The following PIK3R3 variants were observed in gnomAD, a reference collection of about 807,000 sequenced individuals.
PIK3R3 encodes the protein phosphoinositide-3-kinase regulatory subunit 3, also known as phosphatidylinositol 3-kinase regulatory subunit gamma.
PIK3R3 carries 64 observed loss-of-function variants against 62.9 expected under a neutral mutation model. The observed-to-expected ratio is 1.02, with a 90% confidence interval of 0.83 to 1.25. PIK3R3 has a LOEUF of 1.25. Ranked by LOEUF, PIK3R3 falls within the 50% of genes most tolerant of loss-of-function variation. The pLI, the probability that PIK3R3 is intolerant of heterozygous loss-of-function variation, is 0.00. For synonymous variants in PIK3R3, 165 were observed against 189.0 expected, an observed-to-expected ratio of 0.87 and a Z score of 1.04; for missense variants, 614 against 561.6, an observed-to-expected ratio of 1.09 and a Z score of -0.94.
chr1:46,167,314 T>C, the PIK3R3 span, among the ~76,000 whole-genome samples: 11 of 152,230 alleles, frequency 7.2e-5, no homozygotes, highest in Admixed American at 2.0e-4. Context: ...CATCCCTTCC[T>C]GGTCCAGAGA....
chr1:46,068,016 T>C (rs554617027), intron 3 of PIK3R3, among the ~76,000 whole-genome samples: 1 of 152,354 alleles, frequency 6.6e-6, no homozygotes, highest in Admixed American at 6.5e-5. Flanking sequence ...CTTATGCCCC[T>C]AACTCTCTTT....
the PIK3R3 span, among the ~76,000 whole-genome samples, chr1:46,155,448 T>C: frequency 6.6e-6 from 1 of 151,670 alleles, no homozygotes; most frequent in Non-Finnish European, 1.5e-5. Context: ...CTTTTTCTTT[T>C]TTTCCTTTTT....
the PIK3R3 span, among the ~76,000 whole-genome samples, chr1:46,145,698 G>A: frequency 6.6e-6 from 1 of 152,120 alleles, no homozygotes; most frequent in Non-Finnish European, 1.5e-5. Context: ...GCCACGTTGG[G>A]GATCAATTTT....
chr1:46,167,445 T>C, the PIK3R3 span, among the ~76,000 whole-genome samples: 2 of 152,038 alleles, frequency 1.3e-5, no homozygotes. Context: ...AGCAGCCTCC[T>C]CCTCTAGGCC....
At chr1:46,144,696 A>C in the PIK3R3 span, among the ~76,000 whole-genome samples, 10 of 145,334 alleles carry the variant, frequency 6.9e-5, no homozygotes, top group Non-Finnish European at 1.2e-4. Flanking sequence ...TGAACCCGGG[A>C]GGTAGAGGTT....
Position 46,043,874 on chromosome 1 carries a change from G to A in PIK3R3, c.1188-3C>T. The A allele has an allele frequency of 1.2e-6, 2 of 1,610,852 alleles. No homozygotes were observed. The highest frequency in any genetic ancestry group is 1.7e-6 in the Non-Finnish European group (2 of 1,177,984). ...AGTGCTTCACTTCCCCATCGGCCCT[G>A]CAATGACAAACCACAGAAGAAATGT... On this transcript the variant is annotated splice_region_variant and splice_polypyrimidine_tract_variant and intron_variant, in intron 9 of 9. Coordinates refer to ENST00000262741, the MANE Select transcript of PIK3R3 (RefSeq NM_003629.4).
chr1:46,127,356 A>AATAT (rs1553157057), intron 1 of PIK3R3, among the ~76,000 whole-genome samples: 136 of 133,958 alleles, frequency 1.0e-3, no homozygotes, highest in African/African-American at 3.4e-3. Flanking sequence ...AAAAAAAAAA[A>AATAT]ATATATATAT....
At chr1:46,163,363 A>T in the PIK3R3 span, among the ~76,000 whole-genome samples, 4 of 152,210 alleles carry the variant, frequency 2.6e-5, no homozygotes, top group African/African-American at 9.7e-5. Flanking sequence ...CCAGTGCAAA[A>T]GGGATGCCCC....
chr1:46,149,162 C>G, the PIK3R3 span, among the ~76,000 whole-genome samples: 15 of 152,130 alleles, frequency 9.9e-5, no homozygotes, highest in Non-Finnish European at 1.9e-4. Flanking sequence ...GTGGCTCACG[C>G]CTGTAATCCC....
At chr1:46,059,956 C>T (rs371885501) in intron 6 of PIK3R3, among the ~76,000 whole-genome samples, 9 of 151,750 alleles carry the variant, frequency 5.9e-5, no homozygotes, top group South Asian at 4.2e-4. Context: ...AAAAATCAGC[C>T]GGGTGTGGTG....
chr1:46,144,069 G>A, the PIK3R3 span, among the ~76,000 whole-genome samples: 2 of 152,158 alleles, frequency 1.3e-5, no homozygotes, highest in Admixed American at 1.3e-4. Flanking sequence ...AGCTGGTAGG[G>A]CCTAGGCTAA....
chr1:46,131,962 A>C lies in PIK3R3; in HGVS notation c.-10T>G. The C allele has an allele frequency of 6.2e-7, 1 of 1,613,656 alleles. No individual in the cohort carries two copies. The highest frequency in any genetic ancestry group is 8.5e-7 in the Non-Finnish European group (1 of 1,179,868). On this transcript the variant is annotated 5_prime_UTR_variant, in exon 1 of 10. It removes the in-frame stop codon of an upstream open reading frame in the 5' UTR. Transcript: ENST00000262741. Reference sequence around the variant, plus strand: ...ACACCGTATTGTACATCGCGCTGTCAGGGGCAGGTCGCCAGGAGATATATA... The same window carrying C: ...ACACCGTATTGTACATCGCGCTGTCCGGGGCAGGTCGCCAGGAGATATATA...
At chr1:46,160,077 C>T in the PIK3R3 span, among the ~76,000 whole-genome samples, 1 of 152,104 alleles carries the variant, frequency 6.6e-6, no homozygotes, top group Non-Finnish European at 1.5e-5. Context: ...ATGATTTGTC[C>T]AAAATAGTTG....
intron 3 of PIK3R3, among the ~76,000 whole-genome samples, chr1:46,067,964 C>T (rs1037636616): frequency 1.3e-5 from 2 of 152,190 alleles, no homozygotes; most frequent in Non-Finnish European, 2.9e-5. Context: ...TAGCAAAATG[C>T]TGTACCATTC....
At chr1:46,070,169 T>C (rs1374586435) in intron 3 of PIK3R3, among the ~76,000 whole-genome samples, 1 of 152,184 alleles carries the variant, frequency 6.6e-6, no homozygotes, top group Non-Finnish European at 1.5e-5. Flanking sequence ...TATATGCTGA[T>C]GGGAATGACT....
intron 3 of PIK3R3, among the ~76,000 whole-genome samples, chr1:46,074,907 T>C (rs183411268): frequency 6.6e-6 from 1 of 152,306 alleles, no homozygotes; most frequent in Admixed American, 6.5e-5. Context: ...GATGAGAGTA[T>C]GTGTTTGATT....
chr1:46,061,793 A>G (rs55788595), intron 6 of PIK3R3, 136 bp downstream of exon 6: 10,849 of 779,806 alleles, frequency 0.014, 111 homozygotes, highest in Non-Finnish European at 0.02. Context: ...ATTTGGTGCC[A>G]TTAGTGGAAA....
At chr1:46,090,419 C>T (rs1489336124) in intron 1 of PIK3R3, among the ~76,000 whole-genome samples, 1 of 152,152 alleles carries the variant, frequency 6.6e-6, no homozygotes, top group Non-Finnish European at 1.5e-5. Flanking sequence ...GCAACCTCCA[C>T]CTCCTAGGTT....
upstream of PIK3R3, among the ~76,000 whole-genome samples, chr1:46,137,554 C>G (rs1355526196): frequency 2.0e-5 from 3 of 152,214 alleles, no homozygotes. Flanking sequence ...AAAGCTGATT[C>G]CATTAGAAAG....
Sources: allele counts gnomAD v4.1 joint callset (sites outside exome capture counted in the v4.1 genomes callset), GRCh38; gene constraint gnomAD v4.1.1; transcripts MANE v1.5; gene names NCBI Gene and HGNC (gene_info 2026-07-23, HGNC 2026-07-21).